Variants in TMEM273 observed in about 807,000 individuals in gnomAD.
TMEM273 encodes chromosome 10 open reading frame 128.
In TMEM273, 19 loss-of-function variants were observed where a neutral mutation model predicts 17.9. The ratio of observed to expected loss-of-function variants is 1.06; its 90% confidence interval spans 0.74 to 1.55. TMEM273 has a LOEUF of 1.55. TMEM273 is among the 40% of genes most tolerant of loss of function. The pLI, the probability that TMEM273 is intolerant of heterozygous loss-of-function variation, is 0.00. For synonymous variants in TMEM273, 66 were observed against 62.0 expected (o/e 1.07, Z -0.31); for missense variants, 194 against 155.6 (o/e 1.25, Z -1.31).
chr10:49,179,021 G>C (rs1369574097), intron 1 of TMEM273, among the ~76,000 whole-genome samples: 1 of 152,162 alleles, frequency 6.6e-6, no homozygotes, highest in African/African-American at 2.4e-5. Context: ...GTGTGAACAG[G>C]GCTTGGCTGC....
At chr10:49,173,074 G>C (rs781654752) in intron 1 of TMEM273, among the ~76,000 whole-genome samples, 1 of 152,194 alleles carries the variant, frequency 6.6e-6, no homozygotes, top group African/African-American at 2.4e-5. Context: ...GAGCTATGGG[G>C]CCAAGGGAGG....
chr10:49,181,230 G>A (rs549974939), intron 1 of TMEM273, among the ~76,000 whole-genome samples: 4 of 152,242 alleles, frequency 2.6e-5, no homozygotes, highest in South Asian at 2.1e-4. Context: ...CTTAATAAAT[G>A]GAGACACATA....
intron 1 of TMEM273, among the ~76,000 whole-genome samples, chr10:49,187,270 A>G (rs1227311079): frequency 6.6e-6 from 1 of 152,124 alleles, no homozygotes; most frequent in Non-Finnish European, 1.5e-5. Context: ...AAACTGATGG[A>G]TGATGTGGCT....
At chr10:49,166,637 G>A in intron 3 of TMEM273, 1 of 570,640 alleles carries the variant, frequency 1.8e-6, no homozygotes, top group East Asian at 3.2e-5. Context: ...TGGAAAGGGA[G>A]ACAGAAAAAG....
chr10:49,187,780 A>T (rs956102014), intron 1 of TMEM273, among the ~76,000 whole-genome samples: 1 of 152,236 alleles, frequency 6.6e-6, no homozygotes, highest in Non-Finnish European at 1.5e-5. Flanking sequence ...TTAAAAACAA[A>T]GATACCTCTG....
At chr10:49,161,488 C>T (rs1362813914) in intron 6 of TMEM273, 111 bp downstream of exon 6, 2 of 1,407,106 alleles carry the variant, frequency 1.4e-6, no homozygotes, top group African/African-American at 2.8e-5. Context: ...CCATGGTTGC[C>T]CGTCCCACGT....
intron 1 of TMEM273, among the ~76,000 whole-genome samples, chr10:49,180,594 G>A (rs1299637353): frequency 1.3e-5 from 2 of 151,970 alleles, no homozygotes; most frequent in African/African-American, 2.4e-5. Context: ...AATCCAAAAT[G>A]TTCAGGTTTC....
At chr10:49,178,983 C>T (rs1055045910) in intron 1 of TMEM273, among the ~76,000 whole-genome samples, 5 of 152,172 alleles carry the variant, frequency 3.3e-5, no homozygotes, top group African/African-American at 1.2e-4. Flanking sequence ...AGTGACTTCT[C>T]GATAACATGG....
chr10:49,165,257 GA>G lies in TMEM273; in HGVS notation c.295del (p.Ser99ProfsTer34). 6.4e-7 allele frequency: 1 copy of G among 1,550,586 alleles called. No homozygotes were observed. The highest frequency in any genetic ancestry group is 8.7e-7 in the Non-Finnish European group (1 of 1,146,996). On this transcript the variant is annotated frameshift_variant, in exon 5 of 7. Transcript: ENST00000374153. LOFTEE classifies it high-confidence loss of function. ...GTGACACTGAAGCAGGGATTTGAAG[GA>G]AAAGAGGGTCGAGGCTTGCAGCTTT... ...PRKLQASTLF[S>X]FKSLLQCHHC...
chr10:49,173,769 A>G (rs943639098), intron 1 of TMEM273, among the ~76,000 whole-genome samples: 2 of 152,206 alleles, frequency 1.3e-5, no homozygotes, highest in African/African-American at 2.4e-5. Context: ...ACTGAGTGTT[A>G]AACCAGAAAT....
At chr10:49,179,519 CT>C (rs1438844162) in intron 1 of TMEM273, among the ~76,000 whole-genome samples, 1 of 152,224 alleles carries the variant, frequency 6.6e-6, no homozygotes, top group Non-Finnish European at 1.5e-5. Flanking sequence ...CTCCAGAACT[CT>C]TTTCAAACTT....
At chr10:49,174,230 T>C (rs1204588763) in intron 1 of TMEM273, among the ~76,000 whole-genome samples, 1 of 152,208 alleles carries the variant, frequency 6.6e-6, no homozygotes, top group Admixed American at 6.5e-5. Context: ...TTGGGTGATA[T>C]GGGTGCTGGC....
chr10:49,168,704 G>A (rs373509849), intron 1 of TMEM273, among the ~76,000 whole-genome samples: 64 of 133,984 alleles, frequency 4.8e-4, no homozygotes, highest in East Asian at 2.0e-3. Flanking sequence ...GAGGGAGGGA[G>A]GGAGGGAGGG....
intron 1 of TMEM273, among the ~76,000 whole-genome samples, chr10:49,187,705 A>G (rs1443874474): frequency 1.3e-5 from 2 of 151,766 alleles, no homozygotes; most frequent in Non-Finnish European, 2.9e-5. Context: ...ATTTGGCCCT[A>G]CTTTGTTTTA....
chr10:49,178,451 T>C (rs1278236668), intron 1 of TMEM273: 3 of 377,520 alleles, frequency 7.9e-6, no homozygotes, highest in African/African-American at 6.3e-5. Flanking sequence ...AGTATCTCTA[T>C]GACCCTGGAG....
chr10:49,173,604 T>C (rs1224082915), intron 1 of TMEM273, among the ~76,000 whole-genome samples: 2 of 152,178 alleles, frequency 1.3e-5, no homozygotes, highest in East Asian at 3.9e-4. Flanking sequence ...TCCCCCGCAC[T>C]GTTGGCCCCA....
At chr10:49,186,045 G>A (rs1443145476) in intron 1 of TMEM273, among the ~76,000 whole-genome samples, 1 of 148,748 alleles carries the variant, frequency 6.7e-6, no homozygotes, top group African/African-American at 2.5e-5. Context: ...AAAAGAAGAA[G>A]AAGAAGAGGA....
Position 49,155,526 on chromosome 10 carries a change from C to A in TMEM273, c.*366G>T, listed in dbSNP as rs976995405. 5 of 314,458 alleles carry A rather than the reference C, an allele frequency of 1.6e-5. No individual in the cohort carries two copies. The highest frequency in any genetic ancestry group is 1.1e-4 in the African/African-American group (5 of 46,458). 19.5% of individuals were successfully genotyped at this position (314,458 alleles called of 1,614,324 possible). A position where few individuals can be genotyped will look rare whatever the true frequency, so the allele number is the denominator to read the frequency against. ...GTGTGTAGGAAGCTGTGTGTTGGGT[C>A]GGATTCCCCTTTTCATGAGCCATTT... On this transcript the variant is annotated 3_prime_UTR_variant, in exon 7 of 7. Coordinates refer to ENST00000374153, the MANE Select transcript of TMEM273 (RefSeq NM_001288740.3).
intron 1 of TMEM273, among the ~76,000 whole-genome samples, chr10:49,174,147 G>A (rs1277958969): frequency 6.6e-6 from 1 of 152,206 alleles, no homozygotes; most frequent in Non-Finnish European, 1.5e-5. Context: ...CATTTATCCT[G>A]TGCTACCCTG....
Sources: gnomAD v4.1 joint callset for allele counts (sites outside exome capture counted in the v4.1 genomes callset) on GRCh38, gnomAD v4.1.1 for gene constraint, MANE v1.5 for transcripts, NCBI Gene and HGNC (gene_info 2026-07-23, HGNC 2026-07-21) for gene names.